The following TMEM116 variants were observed in gnomAD, a reference collection of about 807,000 sequenced individuals.
The protein encoded by TMEM116 is transmembrane protein 116.
In TMEM116, 38 loss-of-function variants were observed where a neutral mutation model predicts 44.3. The ratio of observed to expected loss-of-function variants is 0.86; its 90% CI spans 0.66 to 1.12. The LOEUF (loss-of-function observed/expected upper bound fraction) is 1.12, where lower values mean the gene tolerates loss of function less well. TMEM116 is among the 50% of genes most tolerant of loss of function. The pLI, the probability that TMEM116 is intolerant of heterozygous loss-of-function variation, is 0.00. For missense variants in TMEM116, 354 were observed against 401.7 expected, an observed-to-expected ratio of 0.88 and a Z score of 1.01; for synonymous variants, 132 against 144.8, an observed-to-expected ratio of 0.91 and a Z score of 0.64.
In TMEM116 at chr12:111,931,602, A is replaced by G; in HGVS notation, c.*19T>C. 6.2e-7 allele frequency: 1 copy of G among 1,607,010 alleles called. No homozygotes were observed. Among genetic ancestry groups the G allele is most frequent in the Non-Finnish European group, 8.5e-7 (1 of 1,173,622 alleles). ...AGCGTAGAATAACTCCAGTTCCTGG[A>G]TGTTCCAGTATTGTAGTTTCAAAAA... On this transcript the variant is annotated 3_prime_UTR_variant, in exon 11 of 11. Coordinates refer to ENST00000552374, the MANE Select transcript of TMEM116 (RefSeq NM_001193531.2).
chr12:111,945,716 A>AT (rs2073221555), intron 4 of TMEM116, among the ~76,000 whole-genome samples: 1 of 152,220 alleles, frequency 6.6e-6, no homozygotes. Context: ...AGAAGAATCT[A>AT]TGATAGGGAA....
intron 3 of TMEM116, chr12:111,993,996 C>T: frequency 1.7e-6 from 1 of 579,496 alleles, no homozygotes; most frequent in East Asian, 3.8e-5. Flanking sequence ...AGGTCTACTT[C>T]AGCCTCCCTT....
intron 3 of TMEM116, among the ~76,000 whole-genome samples, chr12:111,999,156 G>C (rs556807716): frequency 6.6e-6 from 1 of 151,322 alleles, no homozygotes; most frequent in South Asian, 2.1e-4. Context: ...AAAAGCATAA[G>C]ATATGATCCT....
chr12:111,965,702 T>A (rs1003028126), intron 4 of TMEM116: 5 of 395,770 alleles, frequency 1.3e-5, no homozygotes, highest in African/African-American at 4.3e-5. Context: ...AAGCGGTGAA[T>A]CACTTGAGGT....
Position 112,013,106 on chromosome 12 carries a change from T to G in TMEM116, c.-138A>C. Reference sequence around the variant, plus strand: ...AAGGAGAGGAAGGACAGCAAACGAATTGCTATAGCGTCCCCATGCGCACTT... The same window carrying G: ...AAGGAGAGGAAGGACAGCAAACGAAGTGCTATAGCGTCCCCATGCGCACTT... On this transcript the variant is annotated 5_prime_UTR_variant, in exon 1 of 11. Transcript: ENST00000552374. 8.3e-6 allele frequency: 2 copies of G among 239,804 alleles called. No homozygotes were observed. Among genetic ancestry groups the G allele is most frequent in the Non-Finnish European group, 8.1e-6 (1 of 122,974 alleles). 14.9% of individuals were successfully genotyped at this position (239,804 alleles called of 1,614,324 possible). A position where few individuals can be genotyped will look rare whatever the true frequency, so the allele number is the denominator to read the frequency against.
chr12:112,001,712 T>C (rs570247376), intron 3 of TMEM116, among the ~76,000 whole-genome samples: 1 of 152,254 alleles, frequency 6.6e-6, no homozygotes, highest in South Asian at 2.1e-4. Context: ...GAACTCAAAT[T>C]CCAGCAAAGG....
At chr12:111,997,503 G>A (rs1338907056) in intron 3 of TMEM116, among the ~76,000 whole-genome samples, 5 of 152,118 alleles carry the variant, frequency 3.3e-5, no homozygotes, top group Non-Finnish European at 4.4e-5. Flanking sequence ...TGAGGCTACA[G>A]TAGGCTATGA....
At chr12:111,982,933 A>G (rs540646500) in intron 4 of TMEM116, among the ~76,000 whole-genome samples, 1 of 152,288 alleles carries the variant, frequency 6.6e-6, no homozygotes, top group East Asian at 1.9e-4. Context: ...CAAGCTCACC[A>G]CTAAGGTAAT....
In TMEM116 at chr12:111,982,663, G is replaced by A. The variant is rs544073096; in HGVS notation, c.210+9095C>T. Among the ~76,000 whole-genome samples, 222 of 152,138 alleles carry A rather than the reference G, an allele frequency of 1.5e-3. 2 individuals are homozygous for A. In the Middle Eastern group the frequency reaches 0.037, roughly 26 times the overall value. ...ATCAATCAATCAATCAATCAGGAAA[G>A]TACATGCAGATACTGGGGAATCTAG... On this transcript the variant is annotated intron_variant, in intron 4 of 10. Coordinates refer to ENST00000552374, the MANE Select transcript of TMEM116 (RefSeq NM_001193531.2).
At chr12:111,973,539 A>G (rs2075486256) in intron 4 of TMEM116, among the ~76,000 whole-genome samples, 1 of 152,264 alleles carries the variant, frequency 6.6e-6, no homozygotes. Context: ...GTAATTAGGT[A>G]GCAATTTGTA....
intron 4 of TMEM116, among the ~76,000 whole-genome samples, chr12:111,955,178 A>G (rs1348845870): frequency 6.6e-6 from 1 of 152,132 alleles, no homozygotes; most frequent in African/African-American, 2.4e-5. Flanking sequence ...CACTGAATAA[A>G]TGCCCGCAGC....
intron 3 of TMEM116, chr12:112,000,937 T>C (rs973392095): frequency 7.4e-6 from 3 of 404,516 alleles, no homozygotes; most frequent in African/African-American, 4.1e-5. Context: ...GCGATGGCAC[T>C]GACACAGAGC....
chr12:111,985,330 A>G (rs1356375580), intron 4 of TMEM116, among the ~76,000 whole-genome samples: 1 of 152,178 alleles, frequency 6.6e-6, no homozygotes, highest in African/African-American at 2.4e-5. Flanking sequence ...AATAGAATTC[A>G]GCCAAGTAGC....
chr12:111,937,395 ACC>A, intron 6 of TMEM116, 152 bp from the exon 7 acceptor site: 1 of 639,684 alleles, frequency 1.6e-6, no homozygotes, highest in Non-Finnish European at 2.8e-6. Flanking sequence ...TACCTCAAAT[ACC>A]TTAGGTATTC....
chr12:111,955,160 T>G (rs1555212714), intron 4 of TMEM116, among the ~76,000 whole-genome samples: 1 of 151,980 alleles, frequency 6.6e-6, no homozygotes, highest in Non-Finnish European at 1.5e-5. Flanking sequence ...CCTTTGTCAT[T>G]AAATCTACAC....
At chr12:111,941,209 C>T (rs138245274) in intron 5 of TMEM116, among the ~76,000 whole-genome samples, 2,307 of 152,074 alleles carry the variant, frequency 0.015, 65 homozygotes, top group African/African-American at 0.052. Context: ...AACCCCATCT[C>T]TACTATAAAT....
At chr12:111,984,834 AT>A (rs2076136328) in intron 4 of TMEM116, among the ~76,000 whole-genome samples, 1 of 152,132 alleles carries the variant, frequency 6.6e-6, no homozygotes, top group African/African-American at 2.4e-5. Context: ...TACCCACAAA[AT>A]TAAAAAAAAA....
chr12:112,008,268 G>A (rs2077680149), intron 1 of TMEM116, among the ~76,000 whole-genome samples: 1 of 152,152 alleles, frequency 6.6e-6, no homozygotes, highest in African/African-American at 2.4e-5. Flanking sequence ...GGATCACAAG[G>A]TCAGGAGTTG....
intron 5 of TMEM116, among the ~76,000 whole-genome samples, chr12:111,941,876 T>C (rs1023973627): frequency 6.6e-6 from 1 of 152,166 alleles, no homozygotes; most frequent in African/African-American, 2.4e-5. Context: ...CATAGAATCA[T>C]AGCATCTTGG....
Sources: gnomAD v4.1 joint callset for allele counts (sites outside exome capture counted in the v4.1 genomes callset) on GRCh38, gnomAD v4.1.1 for gene constraint, MANE v1.5 for transcripts, NCBI Gene and HGNC (gene_info 2026-07-23, HGNC 2026-07-21) for gene names.